EPHA5: variants seen among roughly 807,000 people sequenced by gnomAD.
The protein encoded by EPHA5 is EPH receptor A5.
Under a neutral mutation model 105.0 loss-of-function variants are expected in EPHA5, and 60 were observed. That is an observed-to-expected ratio of 0.57 (90% confidence interval 0.46 to 0.71). The LOEUF (loss-of-function observed/expected upper bound fraction) is 0.71. Among genes scored for constraint, EPHA5 ranks in the 30% least tolerant of loss-of-function variants. The pLI, the probability that EPHA5 is intolerant of heterozygous loss-of-function variation, is 0.00. For missense variants in EPHA5, 1,218 were observed against 1,274.7 expected (o/e 0.96, Z 0.68); for synonymous variants, 513 against 449.1 (o/e 1.14, Z -1.80).
In EPHA5 at chr4:65,602,075, T is replaced by C. The variant is rs766667618; in HGVS notation, c.476A>G (p.Asp159Gly). The C allele has an allele frequency of 2.0e-5, 33 of 1,614,058 alleles. No homozygotes were observed. The highest frequency in any genetic ancestry group is 2.8e-5 in the Non-Finnish European group (33 of 1,180,016). Residue 159 changes from aspartate (D) to glycine (G), a missense_variant, in exon 3 of 17, where the codon GAT (aspartate) becomes GGT (glycine). Coordinates refer to ENST00000613740, the MANE Select transcript of EPHA5 (RefSeq NM_001281766.3). ...CTTGATGTTTCTCCCATTCTGATCA[T>C]CTGACTCAAAGTAATACATATTAAA... ...ETFNMYYFES[D>G]DQNGRNIKEN...
chr4:65,329,085 T>C (rs1359580476), intron 16 of EPHA5, among the ~76,000 whole-genome samples: 1 of 151,346 alleles, frequency 6.6e-6, no homozygotes, highest in East Asian at 1.9e-4. Flanking sequence ...AAAGTAGCTG[T>C]GATTCTGTCC....
At chr4:65,328,330 T>A (rs1431618311) in intron 16 of EPHA5, among the ~76,000 whole-genome samples, 3 of 151,254 alleles carry the variant, frequency 2.0e-5, no homozygotes, top group Admixed American at 6.6e-5. Flanking sequence ...CATTATTCAA[T>A]AATATTAAAC....
chr4:65,657,472 T>G (rs901855184), intron 1 of EPHA5, among the ~76,000 whole-genome samples: 1 of 152,178 alleles, frequency 6.6e-6, no homozygotes, highest in African/African-American at 2.4e-5. Flanking sequence ...TCTAGCAGCT[T>G]GCTAATCTCA....
At chr4:65,465,504 A>G (rs1578177487) in intron 5 of EPHA5, among the ~76,000 whole-genome samples, 1 of 121,392 alleles carries the variant, frequency 8.2e-6, no homozygotes, top group Non-Finnish European at 1.8e-5. Context: ...AGAAAGAAAG[A>G]AAGAAAGAAA....
chr4:65,657,060 A>C (rs1749142314), intron 1 of EPHA5, among the ~76,000 whole-genome samples: 1 of 151,972 alleles, frequency 6.6e-6, no homozygotes, highest in Non-Finnish European at 1.5e-5. Flanking sequence ...TTCCACGTAA[A>C]TCTATCTTAA....
chr4:65,496,055 T>C (rs1160234536), intron 3 of EPHA5, among the ~76,000 whole-genome samples: 1 of 152,224 alleles, frequency 6.6e-6, no homozygotes, highest in Non-Finnish European at 1.5e-5. Flanking sequence ...TGACCTGATA[T>C]ATCAACTGTA....
chr4:65,560,018 C>A (rs1205893560), intron 3 of EPHA5, among the ~76,000 whole-genome samples: 1 of 152,080 alleles, frequency 6.6e-6, no homozygotes, highest in African/African-American at 2.4e-5. Context: ...GATATATAAT[C>A]TCTCATTCAC....
chr4:65,566,216 A>G (rs971755225), intron 3 of EPHA5, among the ~76,000 whole-genome samples: 2 of 151,782 alleles, frequency 1.3e-5, no homozygotes, highest in African/African-American at 4.8e-5. Flanking sequence ...TTCATGCAAC[A>G]AAGATGTTCA....
intron 3 of EPHA5, among the ~76,000 whole-genome samples, chr4:65,498,062 C>T (rs1732120856): frequency 6.6e-6 from 1 of 151,934 alleles, no homozygotes; most frequent in Admixed American, 6.6e-5. Flanking sequence ...AGCTGAGTCT[C>T]TGCTTATATT....
intron 3 of EPHA5, among the ~76,000 whole-genome samples, chr4:65,522,009 T>A (rs781555828): frequency 1.3e-5 from 2 of 151,976 alleles, no homozygotes; most frequent in Non-Finnish European, 2.9e-5. Context: ...TCATAGTCTA[T>A]CTAAAAATTC....
At chr4:65,574,743 C>CATATATATACATATATATATATGT in intron 3 of EPHA5, among the ~76,000 whole-genome samples, 1 of 80,302 alleles carries the variant, frequency 1.2e-5, no homozygotes, top group African/African-American at 5.4e-5. Context: ...TATATATATA[C>CATATATATACATATATATATATGT]ATATATATAT....
intron 5 of EPHA5, among the ~76,000 whole-genome samples, chr4:65,478,822 A>G (rs945140666): frequency 2.0e-5 from 3 of 152,072 alleles, no homozygotes; most frequent in Non-Finnish European, 1.5e-5. Context: ...TGGATATTTT[A>G]TCAAAATTAG....
chr4:65,650,242 C>G (rs184689977), intron 1 of EPHA5, among the ~76,000 whole-genome samples: 32 of 152,046 alleles, frequency 2.1e-4, no homozygotes, highest in African/African-American at 4.8e-4. Flanking sequence ...TCAACGAGTG[C>G]AATGCCATAT....
At chr4:65,324,796 C>T (rs1169398788) in intron 16 of EPHA5, among the ~76,000 whole-genome samples, 1 of 132,454 alleles carries the variant, frequency 7.5e-6, no homozygotes, top group Non-Finnish European at 1.6e-5. Context: ...TTTTTTTAAT[C>T]AAATAACATC....
At chr4:65,357,601 A>G (rs555097364) in intron 11 of EPHA5, among the ~76,000 whole-genome samples, 1 of 151,558 alleles carries the variant, frequency 6.6e-6, no homozygotes, top group South Asian at 2.1e-4. Context: ...GATTACATGC[A>G]TAAGAGCTAC....
chr4:65,506,734 G>C (rs193269545), intron 3 of EPHA5, among the ~76,000 whole-genome samples: 2,162 of 150,760 alleles, frequency 0.014, 67 homozygotes, highest in African/African-American at 0.049. Flanking sequence ...TTTTTTTCTT[G>C]TAAATTTGTT....
At chr4:65,486,064 T>C (rs1346959346) in intron 5 of EPHA5, among the ~76,000 whole-genome samples, 4 of 152,128 alleles carry the variant, frequency 2.6e-5, no homozygotes, top group Non-Finnish European at 5.9e-5. Context: ...CATCACCATG[T>C]CCAGACAGAC....
intron 3 of EPHA5, among the ~76,000 whole-genome samples, chr4:65,528,471 A>G (rs1475352840): frequency 1.3e-5 from 2 of 152,180 alleles, no homozygotes; most frequent in African/African-American, 4.8e-5. Flanking sequence ...AGAAAAAAAA[A>G]GTCGTTAGTT....
chr4:65,403,128 A>T lies in EPHA5; in HGVS notation c.1793+1246T>A, dbSNP rs79667950. Among the ~76,000 whole-genome samples the T allele has an allele frequency of 1.6e-3, 250 of 152,326 alleles. 4 individuals are homozygous for T. In the East Asian group the frequency reaches 0.027, roughly 17 times the overall value. On this transcript the variant is annotated intron_variant, in intron 8 of 16. Transcript: ENST00000613740. The stretch of plus-strand genomic sequence containing the variant: ...ACTTCAAACACTCAAATAAATAAGG[A>T]CCAGAAGTAATAGAATTTTCATATA...
Sources: allele counts gnomAD v4.1 joint callset (sites outside exome capture counted in the v4.1 genomes callset), GRCh38; gene constraint gnomAD v4.1.1; transcripts MANE v1.5; gene names NCBI Gene and HGNC (gene_info 2026-07-23, HGNC 2026-07-21).